HS6ST3: variants seen among roughly 807,000 people sequenced by gnomAD.
HS6ST3 encodes the protein heparan sulfate 6-O-sulfotransferase 3.
Under a neutral mutation model 36.7 loss-of-function variants are expected in HS6ST3, and 12 were observed. The ratio of observed to expected loss-of-function variants is 0.33; its 90% CI spans 0.21 to 0.53. The LOEUF is 0.53. Among genes scored for constraint, HS6ST3 ranks in the 20% least tolerant of loss-of-function variants. HS6ST3 has a pLI of 0.95. For synonymous variants in HS6ST3, 240 were observed against 257.5 expected (o/e 0.93, Z 0.65); for missense variants, 584 against 640.9 (o/e 0.91, Z 0.96).
At chr13:96,791,281 T>G (rs1877784017) in intron 1 of HS6ST3, among the ~76,000 whole-genome samples, 1 of 152,062 alleles carries the variant, frequency 6.6e-6, no homozygotes, top group African/African-American at 2.4e-5. Context: ...CTTGGATCTT[T>G]TAGTGTTTGC....
At chr13:96,591,662 T>G (rs1458480410) in intron 1 of HS6ST3, among the ~76,000 whole-genome samples, 1 of 152,140 alleles carries the variant, frequency 6.6e-6, no homozygotes, top group Non-Finnish European at 1.5e-5. Context: ...TTTGACTTCT[T>G]TCTTTCCAAA....
At chr13:96,439,066 CAAAAGAAAAAA>C (rs2055656999) in intron 1 of HS6ST3, among the ~76,000 whole-genome samples, 2 of 124,070 alleles carry the variant, frequency 1.6e-5, no homozygotes, top group Admixed American at 8.2e-5. Flanking sequence ...GAATCTGTCT[CAAAAGAAAAAA>C]AAAAGAAAAA....
chr13:96,405,156 G>A (rs1294133863), intron 1 of HS6ST3, among the ~76,000 whole-genome samples: 5 of 152,226 alleles, frequency 3.3e-5, no homozygotes, highest in East Asian at 1.9e-4. Context: ...GCATGAAAAC[G>A]AACTAATACA....
chr13:96,535,313 T>TTGG (rs1264622163), intron 1 of HS6ST3, among the ~76,000 whole-genome samples: 8 of 152,018 alleles, frequency 5.3e-5, no homozygotes, highest in Non-Finnish European at 1.2e-4. Flanking sequence ...TCCCTGCACT[T>TTGG]TGGGAAACCA....
intron 1 of HS6ST3, among the ~76,000 whole-genome samples, chr13:96,469,088 T>C (rs2055828266): frequency 1.3e-5 from 2 of 152,118 alleles, no homozygotes; most frequent in South Asian, 4.1e-4. Flanking sequence ...CCTCATAAAA[T>C]TGTTTACAGG....
At chr13:96,437,980 C>G (rs546717527) in intron 1 of HS6ST3, among the ~76,000 whole-genome samples, 3 of 152,292 alleles carry the variant, frequency 2.0e-5, no homozygotes, top group East Asian at 3.9e-4. Flanking sequence ...TTGGAAATCT[C>G]CAACCTGTAT....
intron 1 of HS6ST3, among the ~76,000 whole-genome samples, chr13:96,632,323 T>C (rs926728721): frequency 6.6e-6 from 1 of 151,846 alleles, no homozygotes; most frequent in Non-Finnish European, 1.5e-5. Flanking sequence ...TTTTTTTTGT[T>C]TGTTTGTTTT....
intron 1 of HS6ST3, among the ~76,000 whole-genome samples, chr13:96,092,509 A>G (rs1594673268): frequency 6.6e-6 from 1 of 152,366 alleles, no homozygotes; most frequent in South Asian, 2.1e-4. Flanking sequence ...CTTTCTGCCC[A>G]TTGCAATTTG....
intron 1 of HS6ST3, among the ~76,000 whole-genome samples, chr13:96,643,337 A>G (rs958737962): frequency 6.6e-6 from 1 of 151,794 alleles, no homozygotes; most frequent in Non-Finnish European, 1.5e-5. Context: ...CAGAGGTTAG[A>G]CTTTGTTAGA....
chr13:96,790,669 A>G (rs1052024811), intron 1 of HS6ST3, among the ~76,000 whole-genome samples: 1 of 152,034 alleles, frequency 6.6e-6, no homozygotes. Flanking sequence ...GCCTGTCCAA[A>G]TAGAACTTCA....
At chr13:96,637,894 T>C (rs1474523579) in intron 1 of HS6ST3, among the ~76,000 whole-genome samples, 4 of 152,116 alleles carry the variant, frequency 2.6e-5, no homozygotes, top group Non-Finnish European at 5.9e-5. Flanking sequence ...TTGTAATGAG[T>C]TGATTCAGAG....
At chr13:96,092,853 T>C (rs913065444) in intron 1 of HS6ST3, among the ~76,000 whole-genome samples, 1 of 152,232 alleles carries the variant, frequency 6.6e-6, no homozygotes, top group African/African-American at 2.4e-5. Flanking sequence ...CCTTTTCCTG[T>C]TTCCTGCACA....
intron 1 of HS6ST3, among the ~76,000 whole-genome samples, chr13:96,347,133 AG>A (rs1335543637): frequency 5.9e-5 from 9 of 152,162 alleles, no homozygotes; most frequent in Non-Finnish European, 1.3e-4. Context: ...CCTGAAGCAA[AG>A]GGCCCAGATA....
chr13:96,129,703 G>A (rs1398319166), intron 1 of HS6ST3, among the ~76,000 whole-genome samples: 1 of 152,134 alleles, frequency 6.6e-6, no homozygotes, highest in Non-Finnish European at 1.5e-5. Flanking sequence ...CTCAGAGTGT[G>A]GCCTTATTTG....
intron 1 of HS6ST3, among the ~76,000 whole-genome samples, chr13:96,424,251 A>G (rs2055575439): frequency 8.9e-6 from 1 of 112,090 alleles, no homozygotes; most frequent in Non-Finnish European, 2.2e-5. Context: ...TTTTAATGAA[A>G]CTTAAGTCCA....
intron 1 of HS6ST3, among the ~76,000 whole-genome samples, chr13:96,804,789 G>A (rs564210461): frequency 1.3e-5 from 2 of 152,270 alleles, no homozygotes; most frequent in African/African-American, 4.8e-5. Context: ...TGAAAGAGAA[G>A]CTTCAGTGGA....
chr13:96,134,988 G>T (rs925345971), intron 1 of HS6ST3, among the ~76,000 whole-genome samples: 1 of 152,164 alleles, frequency 6.6e-6, no homozygotes, highest in Non-Finnish European at 1.5e-5. Flanking sequence ...CACAGTCATT[G>T]GGACCTGCAA....
intron 1 of HS6ST3, among the ~76,000 whole-genome samples, chr13:96,167,702 G>A (rs1466342108): frequency 6.6e-6 from 1 of 152,194 alleles, no homozygotes; most frequent in Non-Finnish European, 1.5e-5. Context: ...AATCGTGCAA[G>A]TACTCAAGTG....
chr13:96,483,012 A>T (rs1448913940), intron 1 of HS6ST3, among the ~76,000 whole-genome samples: 2 of 152,196 alleles, frequency 1.3e-5, no homozygotes, highest in African/African-American at 4.8e-5. Flanking sequence ...CTTGTGCCAG[A>T]TACTAGGTGC....
Sources: gnomAD v4.1 joint callset for allele counts (sites outside exome capture counted in the v4.1 genomes callset) on GRCh38, gnomAD v4.1.1 for gene constraint, MANE v1.5 for transcripts, NCBI Gene and HGNC (gene_info 2026-07-23, HGNC 2026-07-21) for gene names.